The following TCF20 variants were observed in gnomAD, a reference collection of about 807,000 sequenced individuals.
TCF20 encodes transcription factor 20, also known as SPRE-binding protein.
TCF20 carries 3 observed loss-of-function variants against 148.6 expected under a neutral mutation model. The ratio of observed to expected loss-of-function variants is 0.02; its 90% CI spans 0.01 to 0.05. The LOEUF is 0.05. Ranked by LOEUF, TCF20 falls within the 10% of genes least tolerant of loss-of-function variation. The pLI is 1.00. For missense variants in TCF20, 2,350 were observed against 2,429.3 expected (o/e 0.97, Z 0.69); for synonymous variants, 1,049 against 909.5 (o/e 1.15, Z -2.76).
chr22:42,262,886 A>C (rs1926102366), intron 1 of TCF20, among the ~76,000 whole-genome samples: 2 of 152,144 alleles, frequency 1.3e-5, no homozygotes, highest in South Asian at 4.1e-4. Context: ...TACTAGGCCA[A>C]TATTTGAGAA....
At chr22:42,250,491 CTTTT>C (rs978094992) in intron 1 of TCF20, among the ~76,000 whole-genome samples, 5 of 148,742 alleles carry the variant, frequency 3.4e-5, no homozygotes, top group African/African-American at 1.2e-4. Context: ...ATGAGATGTC[CTTTT>C]TTTATACTGT....
chr22:42,211,000 C>T lies in TCF20; in HGVS notation c.4306G>A (p.Glu1436Lys), dbSNP rs1394542111. Residue 1436 changes from glutamate (E) to lysine (K), a missense_variant, in exon 2 of 6, where the codon GAG (glutamate) becomes AAG (lysine). Glu to Lys is a moderately conservative substitution (Grantham distance 56, BLOSUM62 1). Transcript: ENST00000677622. The surrounding 1 kb of genome is among the most constrained non-coding windows in gnomAD (Gnocchi z 4.7). Reference protein sequence around the residue: ...VEKPLPRSSEEWRGSVDDKVK... With the variant: ...VEKPLPRSSEKWRGSVDDKVK... ...TTGTCATCCACGCTGCCACGCCACT[C>T]TTCTGAAGACCTTGGAAGAGGTTTC... 1.2e-6 allele frequency: 2 copies of T among 1,614,178 alleles called. No individual in the cohort carries two copies. The highest frequency in any genetic ancestry group is 1.7e-6 in the Non-Finnish European group (2 of 1,180,032).
intron 1 of TCF20, among the ~76,000 whole-genome samples, chr22:42,260,141 T>G (rs111376149): frequency 1.1e-4 from 16 of 152,068 alleles, no homozygotes; most frequent in African/African-American, 3.1e-4. Context: ...ACTCAAAGAT[T>G]TGAGAAGCAG....
intron 1 of TCF20, among the ~76,000 whole-genome samples, chr22:42,300,380 G>A (rs1343666674): frequency 2.0e-5 from 3 of 151,866 alleles, no homozygotes; most frequent in Non-Finnish European, 4.4e-5. Flanking sequence ...TTTTAATTTT[G>A]GCTCAAACTA....
At chr22:42,258,728 T>C (rs1247766477) in intron 1 of TCF20, among the ~76,000 whole-genome samples, 1 of 152,196 alleles carries the variant, frequency 6.6e-6, no homozygotes, top group South Asian at 2.1e-4. Context: ...TATAGGCTCA[T>C]GTAGGTAGGT....
chr22:42,210,596 A>G lies in TCF20; in HGVS notation c.4710T>C (p.Ser1570=). Residue 1570 remains serine, a synonymous_variant, in exon 2 of 6, where the codon TCT becomes TCC. Transcript: ENST00000677622. This position sits in a 1 kb window ranked among gnomAD's most constrained non-coding sequence, Gnocchi z 4.7. ...TTTTTGGCTTTGGCTCTCCATCTGC[A>G]GAACCTTCTGGTATCTGTGGGGGCT... is the stretch of plus-strand genomic sequence containing the variant. ...PPQPPQIPEG[S]ADGEPKPKKQ... 2 of 1,614,076 alleles carry G rather than the reference A, an allele frequency of 1.2e-6. No homozygotes were observed. Among genetic ancestry groups the G allele is most frequent in the Non-Finnish European group, 1.7e-6 (2 of 1,180,030 alleles).
At chr22:42,170,802 C>G (rs1185040887) in intron 3 of TCF20, among the ~76,000 whole-genome samples, 1 of 152,120 alleles carries the variant, frequency 6.6e-6, no homozygotes, top group Non-Finnish European at 1.5e-5. Context: ...AACCCCATTT[C>G]TCAGGCTCAA....
intron 5 of TCF20, among the ~76,000 whole-genome samples, chr22:42,168,065 G>A (rs568024435): frequency 9.2e-5 from 14 of 151,962 alleles, no homozygotes; most frequent in Non-Finnish European, 1.5e-5. Flanking sequence ...AGATGCTAGA[G>A]TCTACTAAAT....
chr22:42,255,497 C>A (rs984708922), intron 1 of TCF20, among the ~76,000 whole-genome samples: 1 of 121,064 alleles, frequency 8.3e-6, no homozygotes, highest in African/African-American at 3.1e-5. Flanking sequence ...CAAACAACAA[C>A]AACAACAACA....
chr22:42,172,903 A>G (rs557607876), intron 3 of TCF20, among the ~76,000 whole-genome samples: 3 of 152,264 alleles, frequency 2.0e-5, no homozygotes, highest in East Asian at 1.9e-4. Context: ...CCTGGGCCAT[A>G]AGGAGGGAAA....
upstream of TCF20, among the ~76,000 whole-genome samples, chr22:42,285,942 TC>T (rs1296456980): frequency 8.5e-5 from 13 of 152,274 alleles, no homozygotes; most frequent in Admixed American, 2.0e-4. The surrounding 1 kb of genome is among the most constrained non-coding windows in gnomAD (Gnocchi z 4.2). Flanking sequence ...TCTATGCTTT[TC>T]CCCCATAGCA....
At chr22:42,258,285 G>A (rs533602480) in intron 1 of TCF20, among the ~76,000 whole-genome samples, 3 of 151,262 alleles carry the variant, frequency 2.0e-5, no homozygotes, top group Admixed American at 1.3e-4. Context: ...TCCCTAGGCA[G>A]AGGATCTTCA....
upstream of TCF20, among the ~76,000 whole-genome samples, chr22:42,272,177 CCT>C (rs1926646799): frequency 2.0e-5 from 3 of 152,332 alleles, no homozygotes; most frequent in South Asian, 6.2e-4. Context: ...GGGGCCCTGC[CCT>C]CTGATTATTC....
chr22:42,177,393 C>T (rs552264708), intron 3 of TCF20, among the ~76,000 whole-genome samples: 72 of 152,174 alleles, frequency 4.7e-4, no homozygotes, highest in Admixed American at 1.7e-3. Flanking sequence ...TTAGCCTGGG[C>T]GATAAGAGCG....
At chr22:42,206,977 G>A (rs1403317022) in intron 2 of TCF20, among the ~76,000 whole-genome samples, 1 of 152,158 alleles carries the variant, frequency 6.6e-6, no homozygotes, top group African/African-American at 2.4e-5. Flanking sequence ...GAGATGAAGT[G>A]AGTGACAGTG....
chr22:42,236,448 A>G (rs1432818455), intron 1 of TCF20, among the ~76,000 whole-genome samples: 1 of 152,150 alleles, frequency 6.6e-6, no homozygotes, highest in East Asian at 1.9e-4. Context: ...GACGGAGCGC[A>G]TTCTTAATCT....
intron 2 of TCF20, among the ~76,000 whole-genome samples, chr22:42,196,243 G>A (rs1360890937): frequency 6.6e-6 from 1 of 152,214 alleles, no homozygotes; most frequent in Non-Finnish European, 1.5e-5. Context: ...CAGGTAAAAT[G>A]GGAGTGCAGC....
intron 1 of TCF20, among the ~76,000 whole-genome samples, chr22:42,335,031 C>T (rs753345049): frequency 1.2e-4 from 19 of 152,124 alleles, no homozygotes; most frequent in Non-Finnish European, 1.9e-4. Flanking sequence ...GGGCCCGGAG[C>T]CCAGCCTGAC....
In TCF20 at chr22:42,279,984, G is replaced by A. The variant is rs1175638951; in HGVS notation, c.-37+3843C>T. 2.0e-5 allele frequency among the ~76,000 whole-genome samples: 3 copies of A among 152,192 alleles called. No homozygotes were observed. The highest frequency in any genetic ancestry group is 2.0e-4 in the Admixed American group (3 of 15,290). On this transcript the variant is annotated intron_variant, in intron 1 of 5. Coordinates refer to the TCF20 transcript ENST00000359486. This position sits in a 1 kb window ranked among gnomAD's most constrained non-coding sequence, Gnocchi z 4.3. ...GCCTCTGGGGAGCTGCTACTGGGCT[G>A]GGCCCTCTCGGTCCCTGAGCCTAGA...
Sources: allele counts gnomAD v4.1 joint callset (sites outside exome capture counted in the v4.1 genomes callset), GRCh38; gene constraint gnomAD v4.1.1; non-coding constraint Gnocchi (gnomAD v3.1); transcripts MANE v1.5; gene names NCBI Gene and HGNC (gene_info 2026-07-23, HGNC 2026-07-21).